CFAP54: variants seen among roughly 807,000 people sequenced by gnomAD.
CFAP54 encodes the protein cilia and flagella associated protein 54, also known as cilia- and flagella-associated protein 54.
CFAP54 carries 290 observed loss-of-function variants against 370.4 expected under a neutral mutation model. That is an observed-to-expected ratio of 0.78 (90% confidence interval 0.71 to 0.86). The LOEUF (loss-of-function observed/expected upper bound fraction) is 0.86, where lower values mean the gene tolerates loss of function less well. Ranked by LOEUF, CFAP54 falls within the 40% of genes least tolerant of loss-of-function variation. The probability of loss-of-function intolerance (pLI) is 0.00; values close to 1 mark genes in which losing one functional copy is unlikely to be tolerated. For missense variants in CFAP54, 3,399 were observed against 3,528.7 expected, an observed-to-expected ratio of 0.96 and a Z score of 0.93; for synonymous variants, 1,206 against 1,236.5, an observed-to-expected ratio of 0.98 and a Z score of 0.52.
At chr12:96,620,290 C>G (rs893684342) in intron 26 of CFAP54, among the ~76,000 whole-genome samples, 1 of 152,126 alleles carries the variant, frequency 6.6e-6, no homozygotes, top group Non-Finnish European at 1.5e-5. Flanking sequence ...CCTATAATTC[C>G]CACATGTCGT....
At chr12:96,609,633 AT>A (rs1452764015) in intron 26 of CFAP54, among the ~76,000 whole-genome samples, 1 of 152,160 alleles carries the variant, frequency 6.6e-6, no homozygotes, top group Non-Finnish European at 1.5e-5. Flanking sequence ...GAAAAGTATA[AT>A]TTATCTGTAA....
At chr12:96,791,850 T>C (rs901368140) in intron 62 of CFAP54, among the ~76,000 whole-genome samples, 2 of 150,922 alleles carry the variant, frequency 1.3e-5, no homozygotes, top group Admixed American at 6.6e-5. Flanking sequence ...CATTTTTTTT[T>C]CTTTTTTTTT....
At chr12:96,638,235 GTGTGTGTA>G (rs1186411644) in intron 32 of CFAP54, among the ~76,000 whole-genome samples, 1,179 of 93,626 alleles carry the variant, frequency 0.013, 48 homozygotes, top group East Asian at 0.11. Flanking sequence ...GTGTGTGTGT[GTGTGTGTA>G]TATATATATA....
At chr12:96,638,267 T>C in intron 32 of CFAP54, among the ~76,000 whole-genome samples, 1 of 150,498 alleles carries the variant, frequency 6.6e-6, no homozygotes, top group African/African-American at 2.4e-5. Flanking sequence ...TTATTTTTTT[T>C]TGGTTATCCA....
chr12:96,555,849 C>T (rs1955745837), intron 17 of CFAP54, among the ~76,000 whole-genome samples: 1 of 151,690 alleles, frequency 6.6e-6, no homozygotes, highest in Admixed American at 6.6e-5. Context: ...AGACTCAATG[C>T]AATTTCAATA....
chr12:96,527,549 GTT>G (rs11309712), intron 9 of CFAP54, 105 bp downstream of exon 9: 13,326 of 412,910 alleles, frequency 0.032, 12 homozygotes, highest in South Asian at 0.047. Context: ...CATTTATATT[GTT>G]TTTTTTTTTT....
At chr12:96,499,359 G>A (rs1954997012) in intron 1 of CFAP54, among the ~76,000 whole-genome samples, 1 of 152,026 alleles carries the variant, frequency 6.6e-6, no homozygotes, top group African/African-American at 2.4e-5. Context: ...ATAAACATAT[G>A]AAAATATGCT....
At position 96,519,027 on chromosome 12, in the gene CFAP54, G is replaced by C. The variant is rs1343639099; in HGVS notation, c.898G>C (p.Val300Leu). ...ATGGCGCGCTACTCTCTACACAGCTGTTTGCCAGTGCTGCTATGACTGCCA... is the reference window on the plus strand; with the variant it reads ...ATGGCGCGCTACTCTCTACACAGCTCTTTGCCAGTGCTGCTATGACTGCCA... The part of the protein sequence containing the change: ...LTWRATLYTA[V>L]CQCCYDCHAG... The change falls in exon 6 of 68, where the codon GTT becomes CTT. Residue 300 changes from valine (V) to leucine (L), a missense_variant. Val to Leu is a conservative substitution (Grantham distance 32). Around this residue, in one of 3 missense-constraint regions of CFAP54, gnomAD observed 559 missense variants for 576.7 expected, o/e 0.97. Transcript: ENST00000524981. 1.3e-6 allele frequency: 2 copies of C among 1,535,656 alleles called. No individual in the cohort carries two copies. The highest frequency in any genetic ancestry group is 1.4e-5 in the African/African-American group (1 of 73,056).
At chr12:96,726,734 C>G (rs929482741) in intron 50 of CFAP54, among the ~76,000 whole-genome samples, 29 of 152,256 alleles carry the variant, frequency 1.9e-4, no homozygotes, top group Non-Finnish European at 4.0e-4. Context: ...AATGTGTTCA[C>G]TCTTGCTTTT....
At chr12:96,507,257 G>A (rs1266202925) in intron 4 of CFAP54, among the ~76,000 whole-genome samples, 158 bp downstream of exon 4, 1 of 152,102 alleles carries the variant, frequency 6.6e-6, no homozygotes, top group Non-Finnish European at 1.5e-5. Flanking sequence ...GTTTGTCCTC[G>A]TAAATTGGGA....
chr12:96,557,109 C>T (rs1211475076), intron 17 of CFAP54, among the ~76,000 whole-genome samples: 1 of 151,354 alleles, frequency 6.6e-6, no homozygotes, highest in African/African-American at 2.4e-5. Flanking sequence ...TTTCTGGAGG[C>T]TCTGGGGGAG....
At chr12:96,649,531 T>C (rs142085638) in intron 34 of CFAP54, among the ~76,000 whole-genome samples, 1 of 152,328 alleles carries the variant, frequency 6.6e-6, no homozygotes, top group African/African-American at 2.4e-5. Flanking sequence ...CTTTCTGATA[T>C]ATTGTCTTAG....
chr12:96,629,380 T>G (rs7313104), intron 30 of CFAP54, among the ~76,000 whole-genome samples: 75,262 of 151,690 alleles, frequency 0.5, 19,189 homozygotes, highest in African/African-American at 0.58. Flanking sequence ...CTTGGCTCAC[T>G]GCAAGCTCCA....
intron 63 of CFAP54, among the ~76,000 whole-genome samples, chr12:96,803,051 C>A (rs1392534734): frequency 2.0e-5 from 3 of 152,106 alleles, no homozygotes; most frequent in Non-Finnish European, 2.9e-5. Context: ...TGTATATGTG[C>A]CACATTTTCT....
intron 4 of CFAP54, among the ~76,000 whole-genome samples, chr12:96,512,301 T>TTATTTA: frequency 3.2e-5 from 1 of 31,122 alleles, no homozygotes; most frequent in East Asian, 1.3e-3. Context: ...GGAACCAATT[T>TTATTTA]TATATATATA....
intron 66 of CFAP54, among the ~76,000 whole-genome samples, chr12:96,846,707 A>T (rs1190132789): frequency 6.6e-6 from 1 of 152,158 alleles, no homozygotes; most frequent in Non-Finnish European, 1.5e-5. Flanking sequence ...ATCACTTTTC[A>T]TCAAGTGGTG....
At chr12:96,695,620 C>A in intron 45 of CFAP54, among the ~76,000 whole-genome samples, 1 of 152,152 alleles carries the variant, frequency 6.6e-6, no homozygotes, top group East Asian at 1.9e-4. Context: ...ATTCTTGAGG[C>A]TAGGATCTGT....
chr12:96,720,268 G>A (rs2136608565), intron 49 of CFAP54, 137 bp from the exon 50 acceptor site: 1 of 712,260 alleles, frequency 1.4e-6, no homozygotes. Context: ...CTCTTCTCTG[G>A]TAATTAGATA....
chr12:96,679,848 G>T, intron 40 of CFAP54, 96 bp downstream of exon 40: 1 of 1,252,534 alleles, frequency 8.0e-7, no homozygotes, highest in Non-Finnish European at 1.1e-6. Context: ...CCCTCCCCGT[G>T]TACATGCAAC....
Sources: allele counts gnomAD v4.1 joint callset (sites outside exome capture counted in the v4.1 genomes callset), GRCh38; gene constraint gnomAD v4.1.1; regional missense constraint gnomAD v4.1.1; transcripts MANE v1.5; gene names NCBI Gene and HGNC (gene_info 2026-07-23, HGNC 2026-07-21).